The following IL17RE variants were observed in gnomAD, a reference collection of about 807,000 sequenced individuals.
IL17RE encodes the protein interleukin 17 receptor E, also known as interleukin-17 receptor E.
IL17RE carries 47 observed loss-of-function variants against 70.7 expected under a neutral mutation model. The observed-to-expected ratio is 0.67, with a 90% CI of 0.53 to 0.85. The LOEUF (loss-of-function observed/expected upper bound fraction) is 0.85, where lower values mean the gene tolerates loss of function less well. Among genes scored for constraint, IL17RE ranks in the 40% least tolerant of loss-of-function variants. The pLI, the probability that IL17RE is intolerant of heterozygous loss-of-function variation, is 0.00. For missense variants in IL17RE, 850 were observed against 893.9 expected, an observed-to-expected ratio of 0.95 and a Z score of 0.63; for synonymous variants, 372 against 381.2, an observed-to-expected ratio of 0.98 and a Z score of 0.28.
chr3:9,914,859 C>A, intron 15 of IL17RE, 82 bp downstream of exon 15: 1 of 1,126,320 alleles, frequency 8.9e-7, no homozygotes, highest in Non-Finnish European at 1.3e-6. Flanking sequence ...CCTGTCTGAG[C>A]TCTCAGCACT....
rs187097409 is a variant in IL17RE, at chr3:9,915,869, C to T, written c.*62C>T. On this transcript the variant is annotated 3_prime_UTR_variant, in exon 16 of 16. Coordinates refer to ENST00000383814, the MANE Select transcript of IL17RE (RefSeq NM_153480.2). The surrounding 1 kb of genome is among the most constrained non-coding windows in gnomAD (Gnocchi z 4.9). Reference sequence around the variant, plus strand: ...CAACGCAACGGACACTGGCTGGAACCCCGGAATGAGCCTTCGACCCTGAAA... The same window carrying T: ...CAACGCAACGGACACTGGCTGGAACTCCGGAATGAGCCTTCGACCCTGAAA... 9.0e-4 allele frequency: 1,289 copies of T among 1,438,244 alleles called. 1 individual carries two copies. Among genetic ancestry groups the T allele is most frequent in the Admixed American group, 1.8e-3 (65 of 36,076 alleles). The allele number at this position is 1,438,244 out of a possible 1,614,324, so 89.1% of individuals were successfully genotyped here.
rs1016526344 is a variant in IL17RE, at chr3:9,906,652, G to A, written c.367-54G>A. The stretch of plus-strand genomic sequence containing the variant: ...ACCTCAGGTTCCAGAGGCAGAAACA[G>A]AAGCCAGGTTTCCTGATTTCTGGCC... On this transcript the variant is annotated intron_variant, in intron 4 of 15. Transcript: ENST00000383814. 2.6e-5 allele frequency: 41 copies of A among 1,603,194 alleles called. 1 individual carries two copies. The South Asian group carries it at 4.1e-4, about 16-fold the overall frequency.
chr3:9,903,209 C>T (rs2082676964), intron 1 of IL17RE, 145 bp downstream of exon 1: 1 of 964,002 alleles, frequency 1.0e-6, no homozygotes, highest in Non-Finnish European at 1.6e-6. Context: ...AAGGGGTAGC[C>T]AAGGTCCTTT....
intron 1 of IL17RE, 69 bp from the exon 2 acceptor site, chr3:9,903,328 G>A (rs181772347): frequency 4.4e-4 from 692 of 1,555,578 alleles, no homozygotes; most frequent in Non-Finnish European, 5.0e-4. Flanking sequence ...CCCCAGGAAT[G>A]TGCCTTATGG....
intron 3 of IL17RE, among the ~76,000 whole-genome samples, chr3:9,905,778 C>A (rs1315255044): frequency 7.2e-5 from 11 of 152,130 alleles, no homozygotes; most frequent in Non-Finnish European, 1.6e-4. Context: ...CAAGATCGCG[C>A]CGCTGCACTC....
chr3:9,904,011 T>G (rs750612637), intron 2 of IL17RE, 21 bp from the exon 3 acceptor site: 1 of 1,613,952 alleles, frequency 6.2e-7, no homozygotes, highest in Non-Finnish European at 8.5e-7. Flanking sequence ...TATCATTTGC[T>G]TTCCCTTCCA....
chr3:9,907,916 C>T (rs1385848504), intron 6 of IL17RE, among the ~76,000 whole-genome samples: 4 of 152,144 alleles, frequency 2.6e-5, no homozygotes, highest in African/African-American at 9.7e-5. Context: ...AGTGAGGATA[C>T]CTCATAAGAT....
chr3:9,905,019 C>G (rs1244921176), intron 3 of IL17RE, among the ~76,000 whole-genome samples: 1 of 135,224 alleles, frequency 7.4e-6, no homozygotes, highest in African/African-American at 2.8e-5. Context: ...CACCTGAATT[C>G]AGGAGGTGGA....
intron 12 of IL17RE, 34 bp from the exon 13 acceptor site, chr3:9,913,922 C>T (rs771818921): frequency 1.3e-6 from 2 of 1,584,410 alleles, no homozygotes; most frequent in Non-Finnish European, 8.7e-7. Context: ...ATTCACCTCC[C>T]TGGGGACAGC....
In IL17RE at chr3:9,904,294, G is replaced by A. The variant is rs17050639; in HGVS notation, c.268+143G>A. ...GACTTGGATTATCCTAAAATAGCAC[G>A]CTATGACTGATATTCACAAATACAA... On this transcript the variant is annotated intron_variant, in intron 3 of 15. Transcript: ENST00000383814. 51 of 793,244 alleles carry A rather than the reference G, an allele frequency of 6.4e-5. 1 individual carries two copies. The South Asian group carries it at 8.6e-4, about 13-fold the overall frequency. 49.1% of individuals were successfully genotyped at this position (793,244 alleles called of 1,614,324 possible).
In IL17RE at chr3:9,914,620, A is replaced by G. The variant is rs1008970122; in HGVS notation, c.1348+21A>G. The G allele has an allele frequency of 9.3e-6, 15 of 1,611,936 alleles. No individual in the cohort carries two copies. The African/African-American group carries it at 1.6e-4, about 17-fold the overall frequency. ...GGATGGTGAGTTCTTGGGGAGGGGG[A>G]GGTAAGAGGGAGGCTGGGCACTGAG... On this transcript the variant is annotated intron_variant, in intron 14 of 15. Coordinates refer to ENST00000383814, the MANE Select transcript of IL17RE (RefSeq NM_153480.2).
At chr3:9,909,077 T>A in intron 7 of IL17RE, 140 bp from the exon 8 acceptor site, 24 of 637,796 alleles carry the variant, frequency 3.8e-5, no homozygotes, top group Non-Finnish European at 5.4e-5. Context: ...CACCCCACAT[T>A]GCCCCCTCCT....
rs747759318 is a variant in IL17RE at position 9,906,456 on chromosome 3, G to A, written c.361G>A (p.Ala121Thr). ...TAGGAGACACAAGATGCCAGCACCT[G>A]CTCAGGTACTCTCCCTGTCAGTTCC... ...FYRRHKMPAPAQRKLLPRRHL... is the reference protein window; with the variant it reads ...FYRRHKMPAPTQRKLLPRRHL... The change falls in exon 4 of 16, where the codon GCT (alanine) becomes ACT (threonine). Residue 121 changes from alanine (A) to threonine (T), a missense_variant. By Grantham distance (58) the Ala-to-Thr change is moderately conservative (BLOSUM62 0). Coordinates refer to ENST00000383814, the MANE Select transcript of IL17RE (RefSeq NM_153480.2). 8.1e-6 allele frequency: 13 copies of A among 1,608,718 alleles called. No homozygotes were observed. The South Asian group carries it at 1.4e-4, about 18-fold the overall frequency.
chr3:9,911,769 G>T, intron 12 of IL17RE, 172 bp downstream of exon 12: 1 of 578,270 alleles, frequency 1.7e-6, no homozygotes, highest in Non-Finnish European at 2.9e-6. Context: ...GCTGACAGTA[G>T]GTTCCTCAAG....
rs932493113 is a variant in IL17RE at position 9,915,195 on chromosome 3, G to C, written c.1448-56G>C. 7.2e-5 allele frequency: 98 copies of C among 1,352,544 alleles called. No individual in the cohort carries two copies. The highest frequency in any genetic ancestry group is 2.1e-4 in the Admixed American group (6 of 28,020). 83.8% of individuals were successfully genotyped at this position (1,352,544 alleles called of 1,614,324 possible). A position where few individuals can be genotyped will look rare whatever the true frequency, so the allele number is the denominator to read the frequency against. ...CGGTATCCCGAGAGGGTGGGGAGAA[G>C]AGGGCTGAGCAGTCCCTCAGCCGCC... is the stretch of plus-strand genomic sequence containing the variant. On this transcript the variant is annotated intron_variant, in intron 15 of 15. Coordinates refer to ENST00000383814, the MANE Select transcript of IL17RE (RefSeq NM_153480.2). The surrounding 1 kb of genome is among the most constrained non-coding windows in gnomAD (Gnocchi z 4.9).
intron 2 of IL17RE, 103 bp from the exon 3 acceptor site, chr3:9,903,929 A>G (rs947014442): frequency 1.1e-5 from 15 of 1,418,024 alleles, no homozygotes; most frequent in African/African-American, 4.2e-5. Context: ...CCCCAAAGTC[A>G]TACTTCCAGG....
chr3:9,903,463 C>T (rs767226405), intron 2 of IL17RE, 51 bp downstream of exon 2: 3 of 1,599,944 alleles, frequency 1.9e-6, no homozygotes, highest in South Asian at 2.2e-5. Context: ...ACTATTTTTG[C>T]AGATGCCTAG....
intron 6 of IL17RE, 122 bp from the exon 7 acceptor site, chr3:9,908,117 T>C (rs1254280202): frequency 2.7e-6 from 2 of 731,478 alleles, no homozygotes; most frequent in Non-Finnish European, 4.8e-6. Flanking sequence ...GGAGAAGAAG[T>C]ATCTCATATT....
intron 12 of IL17RE, among the ~76,000 whole-genome samples, chr3:9,913,163 G>T (rs1260355158): frequency 2.0e-5 from 3 of 152,156 alleles, no homozygotes; most frequent in African/African-American, 7.2e-5. Context: ...CCAGCATTTT[G>T]GGAGGCTGAG....
Sources: allele counts gnomAD v4.1 joint callset (sites outside exome capture counted in the v4.1 genomes callset), GRCh38; gene constraint gnomAD v4.1.1; non-coding constraint Gnocchi (gnomAD v3.1); transcripts MANE v1.5; gene names NCBI Gene and HGNC (gene_info 2026-07-23, HGNC 2026-07-21).